HTR3B: variants seen among roughly 807,000 people sequenced by gnomAD.
HTR3B encodes 5-hydroxytryptamine (serotonin) receptor 3B, ionotropic.
Under a neutral mutation model 42.8 loss-of-function variants are expected in HTR3B, and 44 were observed. The ratio of observed to expected loss-of-function variants is 1.03; its 90% CI spans 0.81 to 1.32. The LOEUF (loss-of-function observed/expected upper bound fraction) is 1.32. Among genes scored for constraint, HTR3B ranks in the 40% most tolerant of loss-of-function variants. HTR3B has a pLI of 0.00. For missense variants in HTR3B, 527 were observed against 536.5 expected (o/e 0.98, Z 0.17); for synonymous variants, 203 against 209.0 (o/e 0.97, Z 0.25).
At chr11:113,915,830 C>G (rs1442034393) in intron 2 of HTR3B, among the ~76,000 whole-genome samples, 1 of 151,900 alleles carries the variant, frequency 6.6e-6, no homozygotes, top group African/African-American at 2.4e-5. Flanking sequence ...CTCCTTGAAG[C>G]TGTCAATCTT....
intron 6 of HTR3B, among the ~76,000 whole-genome samples, chr11:113,942,445 G>T (rs1950143724): frequency 6.6e-6 from 1 of 152,148 alleles, no homozygotes; most frequent in African/African-American, 2.4e-5. Context: ...GGCAACAAGA[G>T]CGAAACTCCG....
chr11:113,914,743 C>G (rs1238521841), intron 2 of HTR3B, among the ~76,000 whole-genome samples: 2 of 152,032 alleles, frequency 1.3e-5, no homozygotes, highest in Non-Finnish European at 2.9e-5. Flanking sequence ...GTTTTGGTAT[C>G]AGGATTGTGT....
At chr11:113,940,157 G>A (rs1228124929) in intron 6 of HTR3B, among the ~76,000 whole-genome samples, 1 of 152,110 alleles carries the variant, frequency 6.6e-6, no homozygotes, top group East Asian at 1.9e-4. Flanking sequence ...AAAGTGCTAG[G>A]ATTACAGGCC....
intron 1 of HTR3B, 26 bp from the exon 2 acceptor site, chr11:113,909,269 C>A: frequency 6.3e-7 from 1 of 1,597,798 alleles, no homozygotes; most frequent in African/African-American, 1.3e-5. Context: ...TTACTTTTAT[C>A]TTCACAATGA....
At chr11:113,919,130 T>A (rs1159809316) in intron 2 of HTR3B, among the ~76,000 whole-genome samples, 1 of 152,214 alleles carries the variant, frequency 6.6e-6, no homozygotes, top group Non-Finnish European at 1.5e-5. Flanking sequence ...TTATAGTTCC[T>A]CTATTAGCTT....
intron 8 of HTR3B, among the ~76,000 whole-genome samples, chr11:113,945,005 A>G (rs918320512): frequency 2.0e-5 from 3 of 152,040 alleles, no homozygotes; most frequent in African/African-American, 7.2e-5. Flanking sequence ...GGGTTTTGCC[A>G]TGTTGCGCAG....
At chr11:113,911,579 T>C (rs997679795) in intron 2 of HTR3B, among the ~76,000 whole-genome samples, 4 of 151,808 alleles carry the variant, frequency 2.6e-5, no homozygotes, top group Admixed American at 2.0e-4. Flanking sequence ...CAGGCTGGAG[T>C]GCTGTGGCAC....
At chr11:113,929,077 T>C (rs1714090516) in intron 2 of HTR3B, among the ~76,000 whole-genome samples, 1 of 152,202 alleles carries the variant, frequency 6.6e-6, no homozygotes, top group Admixed American at 6.5e-5. Context: ...TTTAACTTTT[T>C]AAGAAAGTGC....
chr11:113,913,689 A>G (rs1591572059), intron 2 of HTR3B, among the ~76,000 whole-genome samples: 1 of 150,490 alleles, frequency 6.6e-6, no homozygotes, highest in East Asian at 2.0e-4. Context: ...TAATTTTTCT[A>G]TTTTTAGCAG....
chr11:113,917,979 T>C (rs370395031), intron 2 of HTR3B, among the ~76,000 whole-genome samples: 4 of 152,334 alleles, frequency 2.6e-5, no homozygotes, highest in South Asian at 4.1e-4. Context: ...TTCCCTTTTA[T>C]GAAGTTTTTC....
At chr11:113,936,196 T>C (rs1265945793) in intron 6 of HTR3B, among the ~76,000 whole-genome samples, 1 of 152,126 alleles carries the variant, frequency 6.6e-6, no homozygotes, top group Non-Finnish European at 1.5e-5. Context: ...AGTGGTTTTT[T>C]TCTTTTTTTT....
chr11:113,936,749 G>A (rs956565891), intron 6 of HTR3B, among the ~76,000 whole-genome samples: 2 of 152,182 alleles, frequency 1.3e-5, no homozygotes, highest in African/African-American at 4.8e-5. Context: ...AGGGGCTTTG[G>A]AGAGGAGGCA....
intron 8 of HTR3B, 73 bp downstream of exon 8, chr11:113,944,828 A>G (rs533969448): frequency 6.8e-7 from 1 of 1,464,358 alleles, no homozygotes; most frequent in African/African-American, 1.4e-5. Context: ...TTGATGATGT[A>G]CTAGGTATTG....
At chr11:113,942,362 G>T (rs1291817226) in intron 6 of HTR3B, among the ~76,000 whole-genome samples, 1 of 152,198 alleles carries the variant, frequency 6.6e-6, no homozygotes, top group African/African-American at 2.4e-5. Context: ...TACCTGAGAG[G>T]GTGAGGCAGG....
chr11:113,912,401 G>A (rs961485760), intron 2 of HTR3B, among the ~76,000 whole-genome samples: 3 of 152,126 alleles, frequency 2.0e-5, no homozygotes, highest in African/African-American at 4.8e-5. Flanking sequence ...GTGCCACGAC[G>A]CCCAGCTAAT....
chr11:113,906,326 T>C (rs1209736007), intron 1 of HTR3B, among the ~76,000 whole-genome samples: 1 of 152,184 alleles, frequency 6.6e-6, no homozygotes, highest in Non-Finnish European at 1.5e-5. Context: ...TGTGCTGGTA[T>C]AGAAGGAGGC....
upstream of HTR3B, among the ~76,000 whole-genome samples, chr11:113,902,504 C>T (rs1306536254): frequency 1.3e-5 from 2 of 152,106 alleles, no homozygotes; most frequent in African/African-American, 2.4e-5. Flanking sequence ...ACCATGTTGG[C>T]CAGGCTGGCC....
At chr11:113,912,472 T>C (rs1949805969) in intron 2 of HTR3B, among the ~76,000 whole-genome samples, 2 of 152,260 alleles carry the variant, frequency 1.3e-5, no homozygotes, top group East Asian at 3.9e-4. Context: ...CTCGATCTCC[T>C]GACCTCGTGA....
intron 6 of HTR3B, among the ~76,000 whole-genome samples, chr11:113,939,336 A>G (rs1274697438): frequency 6.6e-6 from 1 of 152,178 alleles, no homozygotes; most frequent in Non-Finnish European, 1.5e-5. Context: ...TCAGCTAATA[A>G]TATGCAGGGT....
Sources: gnomAD v4.1 joint callset for allele counts (sites outside exome capture counted in the v4.1 genomes callset) on GRCh38, gnomAD v4.1.1 for gene constraint, MANE v1.5 for transcripts, NCBI Gene and HGNC (gene_info 2026-07-23, HGNC 2026-07-21) for gene names.